Variants in MTMR4 observed in about 807,000 individuals in gnomAD.
MTMR4 encodes myotubularin related protein 4.
In MTMR4, 30 loss-of-function variants were observed where a neutral mutation model predicts 125.5. The ratio of observed to expected loss-of-function variants is 0.24; its 90% confidence interval spans 0.18 to 0.32. The LOEUF is 0.32. Ranked by LOEUF, MTMR4 falls within the 10% of genes least tolerant of loss-of-function variation. The probability of loss-of-function intolerance (pLI) is 1.00; values close to 1 mark genes in which losing one functional copy is unlikely to be tolerated. For missense variants in MTMR4, 1,039 were observed against 1,511.5 expected, an observed-to-expected ratio of 0.69 and a Z score of 5.18; for synonymous variants, 498 against 564.5, an observed-to-expected ratio of 0.88 and a Z score of 1.67.
At chr17:58,501,571 G>A (rs1338901424) in intron 14 of MTMR4, among the ~76,000 whole-genome samples, 1 of 151,270 alleles carries the variant, frequency 6.6e-6, no homozygotes, top group Non-Finnish European at 1.5e-5. Context: ...ATGTATATAT[G>A]TGTGTATATA....
rs1796494294 is a variant in MTMR4, at chr17:58,512,722, C to T, written c.135+130G>A. 4 of 862,778 alleles carry T rather than the reference C, an allele frequency of 4.6e-6. No homozygotes were observed. Among genetic ancestry groups the T allele is most frequent in the Non-Finnish European group, 7.4e-6 (4 of 541,584 alleles). The allele number at this position is 862,778 out of a possible 1,614,324, so 53.4% of individuals were successfully genotyped here. On this transcript the variant is annotated intron_variant, in intron 2 of 17. Coordinates refer to ENST00000682306, the MANE Select transcript of MTMR4 (RefSeq NM_001378067.1). This position sits in a 1 kb window ranked among gnomAD's most constrained non-coding sequence, Gnocchi z 4.1. ...CCAGGATGCGCAGACAAACCCTCCT[C>T]CTCCAGAGACCAGGGAACATGAAGC...
chr17:58,490,419 AAAAC>A lies in MTMR4; in HGVS notation c.*1240_*1243del, dbSNP rs998068943. ...ATTAAGATGAAAAAAAACAAAAACA[AAAAC>A]AAAAAAACAAAATAAAATTTTTTAA... is the stretch of plus-strand genomic sequence containing the variant. On this transcript the variant is annotated 3_prime_UTR_variant, in exon 18 of 18. Coordinates refer to ENST00000682306, the MANE Select transcript of MTMR4 (RefSeq NM_001378067.1). The A allele has an allele frequency of 3.5e-4, 54 of 152,774 alleles. No homozygotes were observed. The highest frequency in any genetic ancestry group is 1.1e-3 in the Admixed American group (17 of 15,302). 9.5% of individuals were successfully genotyped at this position (152,774 alleles called of 1,614,324 possible).
Position 58,504,737 on chromosome 17 carries a change from G to A in MTMR4, c.1341+42C>T. The A allele has an allele frequency of 6.4e-7, 1 of 1,561,028 alleles. No individual in the cohort carries two copies. Among genetic ancestry groups the A allele is most frequent in the Non-Finnish European group, 8.7e-7 (1 of 1,147,070 alleles). ...CAGAGGGCTCAACACCTTCCCTCCT[G>A]CCACATTCCTTCTGGTTTTCCCACC... On this transcript the variant is annotated intron_variant, in intron 11 of 17. Transcript: ENST00000682306. The surrounding 1 kb of genome is among the most constrained non-coding windows in gnomAD (Gnocchi z 7.1).
intron 4 of MTMR4, chr17:58,510,867 G>T (rs969765392): frequency 6.6e-6 from 1 of 152,090 alleles, no homozygotes; most frequent in Non-Finnish European, 1.5e-5. Context: ...GTGAACCACC[G>T]TGCCCAGCCT....
At position 58,491,542 on chromosome 17, in the gene MTMR4, C is replaced by G. The variant is rs576496584; in HGVS notation, c.*121G>C. On this transcript the variant is annotated 3_prime_UTR_variant, in exon 18 of 18. Transcript: ENST00000682306. ...AGTTTCATGATACCAAGGAGGATTT[C>G]TCAAGATGGTATCTCTGAGCTCTGT... The G allele has an allele frequency of 2.0e-5, 21 of 1,043,830 alleles. No individual in the cohort carries two copies. In the Admixed American group the frequency reaches 5.5e-4, roughly 27 times the overall value. 64.7% of individuals were successfully genotyped at this position (1,043,830 alleles called of 1,614,324 possible). A position where few individuals can be genotyped will look rare whatever the true frequency, so the allele number is the denominator to read the frequency against.
Position 58,514,580 on chromosome 17 carries a change from C to G in MTMR4, c.-173G>C. 3 of 985,268 alleles carry G rather than the reference C, an allele frequency of 3.0e-6. No homozygotes were observed. The highest frequency in any genetic ancestry group is 3.6e-6 in the Non-Finnish European group (3 of 829,894). 61.0% of individuals were successfully genotyped at this position (985,268 alleles called of 1,614,324 possible). Reference sequence around the variant, plus strand: ...CGCGGCTCCCGCGCGCCTCTCCCCTCCTCTCCACAATGGAGCGGGCCCAGC... The same window carrying G: ...CGCGGCTCCCGCGCGCCTCTCCCCTGCTCTCCACAATGGAGCGGGCCCAGC... On this transcript the variant is annotated 5_prime_UTR_variant, in exon 1 of 18. Coordinates refer to ENST00000682306, the MANE Select transcript of MTMR4 (RefSeq NM_001378067.1).
chr17:58,503,687 GA>G, intron 14 of MTMR4, 56 bp downstream of exon 14: 1 of 1,537,210 alleles, frequency 6.5e-7, no homozygotes, highest in Non-Finnish European at 8.8e-7. Context: ...GATGAGATGG[GA>G]AACAGTTACT....
chr17:58,504,902 C>T lies in MTMR4; in HGVS notation c.1218G>A (p.Val406=). ...GGCCTTCCCGGTCTACTGTATTAGC[C>T]ACCAGCACAGCTGCTTTTAGCATCA... is the stretch of plus-strand genomic sequence containing the variant. The part of the protein sequence containing the change: ...LSVMLKAAVL[V]ANTVDREGRP... Residue 406 remains valine (V), a synonymous_variant, in exon 11 of 18, where the codon GTG becomes GTA. Coordinates refer to ENST00000682306, the MANE Select transcript of MTMR4 (RefSeq NM_001378067.1). This position sits in a 1 kb window ranked among gnomAD's most constrained non-coding sequence, Gnocchi z 7.1. 6.2e-7 allele frequency: 1 copy of T among 1,614,228 alleles called. No homozygotes were observed.
chr17:58,510,630 G>A (rs948164054), intron 4 of MTMR4: 3 of 151,886 alleles, frequency 2.0e-5, no homozygotes, highest in Non-Finnish European at 4.4e-5. Flanking sequence ...GCATCACCAC[G>A]CCTGGCTAAT....
rs1567927102 is a variant in MTMR4, at chr17:58,495,560, T to C, written c.2624A>G (p.Glu875Gly). The change falls in exon 15 of 18, where the codon GAA becomes GGA. Residue 875 changes from glutamate to glycine, a missense_variant. Physicochemically the swap from Glu to Gly is moderately conservative, Grantham distance 98. Around this residue, in one of 6 missense-constraint regions of MTMR4, gnomAD observed 619 missense variants for 714.5 expected, o/e 0.87. Transcript: ENST00000682306. ...SSVPDLTHGE[E>G]DIGKRGNNRN... ...ATTATTTCCTCTTTTACCAATGTCT[T>C]CCTCCCCATGGGTCAGATCCGGCAC... 3.7e-6 allele frequency: 6 copies of C among 1,614,068 alleles called. No individual in the cohort carries two copies. In the South Asian group the frequency reaches 6.6e-5, roughly 18 times the overall value.
At chr17:58,511,590 T>C in intron 3 of MTMR4, 79 bp from the exon 4 acceptor site, 4 of 1,203,366 alleles carry the variant, frequency 3.3e-6, no homozygotes, top group East Asian at 2.4e-5. Context: ...TAGGCACTAA[T>C]GTATCAATAG....
chr17:58,495,751 G>A lies in MTMR4; in HGVS notation c.2433C>T (p.Ser811=). Residue 811 remains serine, a synonymous_variant, in exon 15 of 18, where the codon TCC becomes TCT. Coordinates refer to ENST00000682306, the MANE Select transcript of MTMR4 (RefSeq NM_001378067.1). The part of the protein sequence containing the change: ...TGTPQQAQPD[S]MLGVPSKCVL... Reference sequence around the variant, plus strand: ...CACACTTGGAGGGCACACCTAGCATGGAGTCTGGCTGGGCCTGTTGGGGCG... The same window carrying A: ...CACACTTGGAGGGCACACCTAGCATAGAGTCTGGCTGGGCCTGTTGGGGCG... 6.2e-7 allele frequency: 1 copy of A among 1,614,162 alleles called. No homozygotes were observed.
rs1471383567 is a variant in MTMR4, at chr17:58,501,290, C to A, written c.1853+2454G>T. 2.0e-5 allele frequency among the ~76,000 whole-genome samples: 3 copies of A among 152,122 alleles called. 1 individual carries two copies. In the East Asian group the frequency reaches 5.8e-4, roughly 29 times the overall value. On this transcript the variant is annotated intron_variant, in intron 14 of 17. Coordinates refer to ENST00000682306, the MANE Select transcript of MTMR4 (RefSeq NM_001378067.1). Reference sequence around the variant, plus strand: ...TTTTGGGAGGCCAAGGCAGGAAGATCACTCGACGCCAGGAATTTAAGACTA... The same window carrying A: ...TTTTGGGAGGCCAAGGCAGGAAGATAACTCGACGCCAGGAATTTAAGACTA...
chr17:58,516,256 A>T (rs1369267479), upstream of MTMR4, among the ~76,000 whole-genome samples: 4 of 152,206 alleles, frequency 2.6e-5, no homozygotes, highest in African/African-American at 9.7e-5. Context: ...GAACACAGAG[A>T]TTCTACCGGG....
Position 58,508,411 on chromosome 17 carries a change from T to G in MTMR4, c.593+57A>C, listed in dbSNP as rs1975834021. The G allele has an allele frequency of 6.3e-7, 1 of 1,587,004 alleles. No homozygotes were observed. The highest frequency in any genetic ancestry group is 1.3e-5 in the African/African-American group (1 of 74,394). ...CTCAGAAGCTGTGCCCACCACACTT[T>G]ATCCAAACACGGAAGTAGTTTGGTG... On this transcript the variant is annotated intron_variant, in intron 6 of 17. Transcript: ENST00000682306. This position sits in a 1 kb window ranked among gnomAD's most constrained non-coding sequence, Gnocchi z 4.8.
chr17:58,517,529 G>A (rs1343097111), upstream of MTMR4, among the ~76,000 whole-genome samples: 1 of 152,250 alleles, frequency 6.6e-6, no homozygotes, highest in Non-Finnish European at 1.5e-5. Context: ...CTGCCTCACC[G>A]CCCACTGGCA....
chr17:58,498,307 C>G (rs1173086086), intron 14 of MTMR4, among the ~76,000 whole-genome samples: 2 of 151,750 alleles, frequency 1.3e-5, no homozygotes, highest in African/African-American at 2.4e-5. Context: ...TAACAACATT[C>G]TGCCATCCTC....
Position 58,512,390 on chromosome 17 carries a change from G to A in MTMR4, c.252C>T (p.Asn84=), listed in dbSNP as rs773243346. 10 of 1,609,376 alleles carry A rather than the reference G, an allele frequency of 6.2e-6. No homozygotes were observed. Among genetic ancestry groups the A allele is most frequent in the African/African-American group, 1.3e-5 (1 of 74,826 alleles). ...GTAGGAGAACAATACAGAAACTCAC[G>A]TTGATGACAGAGTCCTTGAATTTGA... ...LHIKFKDSVI[N]VPLRMIDSVE... is the part of the protein sequence containing the mutation. The change falls in exon 3 of 18, where the codon AAC becomes AAT. Residue 84 remains asparagine (N), a splice_region_variant and synonymous_variant. Transcript: ENST00000682306. The surrounding 1 kb of genome is among the most constrained non-coding windows in gnomAD (Gnocchi z 4.1).
At chr17:58,493,081 A>G (rs1975356923) in intron 15 of MTMR4, 129 bp from the exon 16 acceptor site, 1 of 651,472 alleles carries the variant, frequency 1.5e-6, no homozygotes, top group Admixed American at 2.8e-5. Flanking sequence ...TACAATGTAT[A>G]CTACTAATAT....
Sources: gnomAD v4.1 joint callset for allele counts (sites outside exome capture counted in the v4.1 genomes callset) on GRCh38, gnomAD v4.1.1 for gene constraint, gnomAD v4.1.1 regional missense constraint, Gnocchi (gnomAD v3.1) non-coding constraint, MANE v1.5 for transcripts, NCBI Gene and HGNC (gene_info 2026-07-23, HGNC 2026-07-21) for gene names.